The following UBXN2A variants were observed in gnomAD, a reference collection of about 807,000 sequenced individuals.
UBXN2A encodes UBX domain-containing protein 2A.
In UBXN2A, 28 loss-of-function variants were observed where a neutral mutation model predicts 28.4. That is an observed-to-expected ratio of 0.99 (90% CI 0.73 to 1.35). The LOEUF (loss-of-function observed/expected upper bound fraction) is 1.35. Ranked by LOEUF, UBXN2A falls within the 40% of genes most tolerant of loss-of-function variation. The pLI is 0.00. For synonymous variants in UBXN2A, 97 were observed against 103.6 expected, an observed-to-expected ratio of 0.94 and a Z score of 0.39; for missense variants, 253 against 297.9, an observed-to-expected ratio of 0.85 and a Z score of 1.11.
chr2:23,944,513 A>G (rs1304329433), intron 1 of UBXN2A, among the ~76,000 whole-genome samples: 1 of 152,214 alleles, frequency 6.6e-6, no homozygotes, highest in African/African-American at 2.4e-5. Context: ...GTAGACCGTA[A>G]TGGTGGAAAA....
At chr2:23,962,928 A>G (rs1027808368) in intron 2 of UBXN2A, among the ~76,000 whole-genome samples, 1 of 152,110 alleles carries the variant, frequency 6.6e-6, no homozygotes, top group Non-Finnish European at 1.5e-5. Flanking sequence ...GTTTAATTGG[A>G]CTTACAGTTC....
At chr2:23,946,029 G>A (rs974886065) in intron 1 of UBXN2A, among the ~76,000 whole-genome samples, 4 of 152,076 alleles carry the variant, frequency 2.6e-5, no homozygotes, top group Admixed American at 1.3e-4. Flanking sequence ...ACAGGGTTTT[G>A]CCAGGTTGGC....
At chr2:23,942,633 G>T (rs116565656) in intron 1 of UBXN2A, among the ~76,000 whole-genome samples, 5,832 of 151,852 alleles carry the variant, frequency 0.038, 109 homozygotes, top group Admixed American at 0.046. Flanking sequence ...TGGTCAGACT[G>T]GTCTCAAAAT....
chr2:23,950,046 C>G (rs191218232), intron 1 of UBXN2A, among the ~76,000 whole-genome samples: 3 of 117,800 alleles, frequency 2.5e-5, no homozygotes, highest in Admixed American at 2.5e-4. Context: ...CTACTCTTTG[C>G]TTTGCACTTG....
chr2:23,993,041 A>G (rs1342216186), intron 6 of UBXN2A, among the ~76,000 whole-genome samples: 1 of 152,164 alleles, frequency 6.6e-6, no homozygotes, highest in Non-Finnish European at 1.5e-5. Flanking sequence ...GCTCTCTTGA[A>G]GGCATTTCAC....
chr2:23,968,074 G>A (rs377274191), intron 2 of UBXN2A, among the ~76,000 whole-genome samples: 6 of 152,132 alleles, frequency 3.9e-5, no homozygotes, highest in African/African-American at 7.2e-5. Context: ...GACTACAGAC[G>A]TGCACCACCA....
intron 1 of UBXN2A, among the ~76,000 whole-genome samples, chr2:23,947,218 TTAG>T (rs1407755206): frequency 6.6e-6 from 1 of 152,192 alleles, no homozygotes; most frequent in Non-Finnish European, 1.5e-5. Context: ...TACCACATTC[TTAG>T]TAGTCCAAAT....
At chr2:23,943,947 G>A (rs1451149753) in intron 1 of UBXN2A, 11 of 433,114 alleles carry the variant, frequency 2.5e-5, no homozygotes, top group African/African-American at 1.2e-4. Flanking sequence ...GGGAATCATG[G>A]CCAAAGAAGA....
At chr2:23,968,423 T>A (rs1707261596) in intron 2 of UBXN2A, among the ~76,000 whole-genome samples, 1 of 152,108 alleles carries the variant, frequency 6.6e-6, no homozygotes, top group African/African-American at 2.4e-5. Context: ...ACGCCTGTAA[T>A]CCCAGCACTT....
intron 4 of UBXN2A, 107 bp from the exon 5 acceptor site, chr2:23,982,789 T>A: frequency 8.7e-7 from 1 of 1,151,204 alleles, no homozygotes; most frequent in South Asian, 1.9e-5. Flanking sequence ...TAGAATATTA[T>A]ATATTTCTGT....
intron 2 of UBXN2A, among the ~76,000 whole-genome samples, chr2:23,967,890 G>A (rs766063710): frequency 5.9e-5 from 9 of 151,960 alleles, no homozygotes; most frequent in Non-Finnish European, 1.3e-4. Context: ...TTAAAGCACT[G>A]CCCTGAGTAT....
chr2:23,940,035 G>C (rs1052173899), upstream of UBXN2A, among the ~76,000 whole-genome samples: 49 of 151,596 alleles, frequency 3.2e-4, no homozygotes, highest in Admixed American at 1.3e-4. Flanking sequence ...GCTCGAATCC[G>C]GGAGGCGGAG....
Position 23,984,657 on chromosome 2 carries a change from G to A in UBXN2A, c.426-16G>A, listed in dbSNP as rs1358515579. ...AATGGAAAAAACGTCTAACTTTGTT[G>A]TCTGGATTTCCTTAGTGCCACACCA... On this transcript the variant is annotated splice_polypyrimidine_tract_variant and intron_variant, in intron 5 of 6. Transcript: ENST00000309033. The A allele has an allele frequency of 6.9e-7, 1 of 1,452,928 alleles. No individual in the cohort carries two copies. The highest frequency in any genetic ancestry group is 1.6e-5 in the South Asian group (1 of 60,702). 90.0% of individuals were successfully genotyped at this position (1,452,928 alleles called of 1,614,324 possible).
At chr2:23,989,732 A>C (rs151025000) in intron 6 of UBXN2A, among the ~76,000 whole-genome samples, 3 of 151,874 alleles carry the variant, frequency 2.0e-5, no homozygotes, top group Admixed American at 6.6e-5. Flanking sequence ...GTGAAACTCT[A>C]TCTCTACAAA....
At chr2:23,941,163 AAG>A (rs1423520774) in intron 1 of UBXN2A, among the ~76,000 whole-genome samples, 1 of 152,016 alleles carries the variant, frequency 6.6e-6, no homozygotes, top group Non-Finnish European at 1.5e-5. Flanking sequence ...CCAGTAATAA[AAG>A]AGTTTATTAC....
chr2:23,967,966 G>A (rs182842544), intron 2 of UBXN2A, among the ~76,000 whole-genome samples: 107 of 150,526 alleles, frequency 7.1e-4, no homozygotes, highest in Non-Finnish European at 1.3e-3. Context: ...TCACTATGTT[G>A]CCCAGGCTAA....
At chr2:23,998,036 TC>T in intron 6 of UBXN2A, among the ~76,000 whole-genome samples, 1 of 152,026 alleles carries the variant, frequency 6.6e-6, no homozygotes, top group African/African-American at 2.4e-5. Flanking sequence ...AGTCTTGAAC[TC>T]CTGACCTCAG....
intron 6 of UBXN2A, among the ~76,000 whole-genome samples, chr2:23,996,461 TTTTTTCTTTTTC>T (rs1237664095): frequency 1.8e-4 from 27 of 151,456 alleles, no homozygotes; most frequent in Admixed American, 1.5e-3. Context: ...TTCTGTTTTC[TTTTTTCTTTTTC>T]TTTTTCTTTT....
chr2:23,998,940 C>T (rs1708644974), intron 6 of UBXN2A, among the ~76,000 whole-genome samples: 1 of 152,080 alleles, frequency 6.6e-6, no homozygotes, highest in Non-Finnish European at 1.5e-5. Flanking sequence ...CCTTTGTTTT[C>T]TTGCTTTTTA....
Sources: allele counts gnomAD v4.1 joint callset (sites outside exome capture counted in the v4.1 genomes callset), GRCh38; gene constraint gnomAD v4.1.1; transcripts MANE v1.5; gene names NCBI Gene and HGNC (gene_info 2026-07-23, HGNC 2026-07-21).